Variants in STAG1 observed in about 807,000 individuals in gnomAD.
STAG1 encodes the protein STAG1 cohesin complex component, also known as cohesin subunit SA-1.
In STAG1, 26 loss-of-function variants were observed where a neutral mutation model predicts 170.9. The ratio of observed to expected loss-of-function variants is 0.15; its 90% CI spans 0.11 to 0.21. The LOEUF is 0.21. Among genes scored for constraint, STAG1 ranks in the 10% least tolerant of loss-of-function variants. STAG1 has a pLI of 1.00. For synonymous variants in STAG1, 514 were observed against 497.7 expected (o/e 1.03, Z -0.44); for missense variants, 964 against 1,509.5 (o/e 0.64, Z 5.99).
rs1323968584 is a variant in STAG1, at chr3:136,736,467, G to C, written c.-84+15728C>G. The C allele has an allele frequency of 2.4e-6, 3 of 1,270,738 alleles. No homozygotes were observed. The Admixed American group carries it at 5.0e-5, about 21-fold the overall frequency. The allele number at this position is 1,270,738 out of a possible 1,614,324, so 78.7% of individuals were successfully genotyped here. A position where few individuals can be genotyped will look rare whatever the true frequency, so the allele number is the denominator to read the frequency against. ...GCAGGAAGGGAGATAGCAGGGGGAA[G>C]GTTCTGTGCCTGTGACCCCGGGTGG... On this transcript the variant is annotated intron_variant, in intron 1 of 33. Coordinates refer to ENST00000383202, the MANE Select transcript of STAG1 (RefSeq NM_005862.3).
chr3:136,749,175 A>C (rs963583227), intron 1 of STAG1, among the ~76,000 whole-genome samples: 10 of 152,206 alleles, frequency 6.6e-5, no homozygotes, highest in Admixed American at 6.5e-4. Context: ...TGCATATGTA[A>C]TTAAGGCCCT....
intron 1 of STAG1, among the ~76,000 whole-genome samples, chr3:136,683,291 T>G (rs1449332885): frequency 6.6e-6 from 1 of 151,518 alleles, no homozygotes; most frequent in Admixed American, 6.6e-5. Flanking sequence ...TGAGATGGAG[T>G]CTGGCTCTGT....
chr3:136,556,621 C>T (rs1340579150), intron 5 of STAG1, among the ~76,000 whole-genome samples: 1 of 151,652 alleles, frequency 6.6e-6, no homozygotes, highest in Non-Finnish European at 1.5e-5. Flanking sequence ...CTCACTCTGT[C>T]ACTCAGGCAG....
intron 1 of STAG1, among the ~76,000 whole-genome samples, chr3:136,736,253 C>T (rs1470343104): frequency 6.6e-6 from 1 of 152,180 alleles, no homozygotes; most frequent in African/African-American, 2.4e-5. Context: ...GCACCAATGG[C>T]GGCACCTTCT....
chr3:136,418,185 C>T (rs944043776), intron 20 of STAG1, among the ~76,000 whole-genome samples: 7 of 151,556 alleles, frequency 4.6e-5, no homozygotes, highest in Non-Finnish European at 1.0e-4. Flanking sequence ...GAAACCCTGT[C>T]TCTATTAAAA....
intron 6 of STAG1, among the ~76,000 whole-genome samples, chr3:136,528,739 C>A (rs1251364536): frequency 6.6e-6 from 1 of 151,790 alleles, no homozygotes; most frequent in Admixed American, 6.6e-5. Flanking sequence ...TCCTTGAGCT[C>A]AGGACATGGC....
At chr3:136,580,135 T>A (rs1023843906) in intron 4 of STAG1, among the ~76,000 whole-genome samples, 2 of 151,780 alleles carry the variant, frequency 1.3e-5, no homozygotes, top group African/African-American at 4.8e-5. Flanking sequence ...GCACAGCTAA[T>A]TTTTTGTATT....
At chr3:136,623,476 T>C (rs557310163) in intron 2 of STAG1, among the ~76,000 whole-genome samples, 1 of 152,106 alleles carries the variant, frequency 6.6e-6, no homozygotes, top group Non-Finnish European at 1.5e-5. Flanking sequence ...GAAGAAATGA[T>C]TGTGGAAATG....
At chr3:136,468,763 C>T (rs2089542542) in intron 12 of STAG1, among the ~76,000 whole-genome samples, 1 of 152,206 alleles carries the variant, frequency 6.6e-6, no homozygotes. Flanking sequence ...CCGAATCCAG[C>T]AGCACATCAA....
At chr3:136,441,574 T>G (rs868096031) in intron 15 of STAG1, among the ~76,000 whole-genome samples, 4 of 152,206 alleles carry the variant, frequency 2.6e-5, no homozygotes, top group Non-Finnish European at 4.4e-5. Flanking sequence ...TTTGTCTCAA[T>G]GAATTATGTC....
At chr3:136,399,767 A>C (rs1428660410) in intron 21 of STAG1, among the ~76,000 whole-genome samples, 2 of 152,170 alleles carry the variant, frequency 1.3e-5, no homozygotes, top group Non-Finnish European at 2.9e-5. Context: ...ATACTCTTAA[A>C]AGTTACTAAG....
At chr3:136,692,682 T>C (rs1942766083) in intron 1 of STAG1, among the ~76,000 whole-genome samples, 1 of 152,032 alleles carries the variant, frequency 6.6e-6, no homozygotes, top group South Asian at 2.1e-4. Flanking sequence ...TCAGTTGATA[T>C]GAAAGTAAGG....
chr3:136,463,744 T>A (rs75444292), intron 13 of STAG1, among the ~76,000 whole-genome samples: 21 of 56,314 alleles, frequency 3.7e-4, no homozygotes, highest in African/African-American at 1.2e-3. Context: ...TATGTGTGTG[T>A]GTGTGTGTGT....
At chr3:136,691,954 C>A (rs1359587114) in intron 1 of STAG1, among the ~76,000 whole-genome samples, 1 of 152,128 alleles carries the variant, frequency 6.6e-6, no homozygotes, top group African/African-American at 2.4e-5. Flanking sequence ...GAACTATTGT[C>A]CTTCCCCAGT....
At chr3:136,385,708 A>T (rs1003406405) in intron 22 of STAG1, among the ~76,000 whole-genome samples, 3 of 152,032 alleles carry the variant, frequency 2.0e-5, no homozygotes, top group African/African-American at 7.2e-5. Flanking sequence ...ATAAGAGGAG[A>T]AACCTCTTAA....
chr3:136,368,993 C>CT, intron 24 of STAG1, 115 bp downstream of exon 24: 1 of 1,094,978 alleles, frequency 9.1e-7, no homozygotes, highest in Non-Finnish European at 1.2e-6. Flanking sequence ...ACCTGGCCAA[C>CT]TTTTTTAAAA....
chr3:136,443,249 T>C, intron 15 of STAG1, 38 bp downstream of exon 15: 2 of 1,443,990 alleles, frequency 1.4e-6, no homozygotes, highest in Non-Finnish European at 9.7e-7. Context: ...TCAATGGAAA[T>C]ACAAAATCAT....
intron 22 of STAG1, among the ~76,000 whole-genome samples, chr3:136,396,246 C>T (rs1315750229): frequency 8.6e-5 from 11 of 128,376 alleles, no homozygotes; most frequent in Admixed American, 3.7e-4. Flanking sequence ...GACAGAGTCT[C>T]GCTCTGTCGC....
At chr3:136,470,099 C>A (rs2089585353) in intron 12 of STAG1, among the ~76,000 whole-genome samples, 2 of 152,092 alleles carry the variant, frequency 1.3e-5, no homozygotes, top group African/African-American at 2.4e-5. Context: ...TCTAAAACAC[C>A]AAAAGAAATG....
Sources: allele counts gnomAD v4.1 joint callset (sites outside exome capture counted in the v4.1 genomes callset), GRCh38; gene constraint gnomAD v4.1.1; transcripts MANE v1.5; gene names NCBI Gene and HGNC (gene_info 2026-07-23, HGNC 2026-07-21).